The following LARP1B variants were observed in gnomAD, a reference collection of about 807,000 sequenced individuals.
LARP1B encodes the protein La ribonucleoprotein 1B, also known as la-related protein 1B.
A neutral mutation model predicts 114.2 loss-of-function variants in LARP1B; 76 were observed. The ratio of observed to expected loss-of-function variants is 0.67; its 90% CI spans 0.55 to 0.81. LARP1B has a LOEUF of 0.81. Ranked by LOEUF, LARP1B falls within the 30% of genes least tolerant of loss-of-function variation. The probability of loss-of-function intolerance (pLI) is 0.00; values close to 1 mark genes in which losing one functional copy is unlikely to be tolerated. For missense variants in LARP1B, 1,014 were observed against 1,075.8 expected (o/e 0.94, Z 0.80); for synonymous variants, 345 against 348.0 (o/e 0.99, Z 0.10).
intron 6 of LARP1B, among the ~76,000 whole-genome samples, chr4:128,219,345 C>T (rs1344987176): frequency 1.1e-3 from 98 of 90,988 alleles, no homozygotes; most frequent in Non-Finnish European, 1.6e-3. Flanking sequence ...CACATGCACA[C>T]GTATGTTTAT....
chr4:128,210,201 A>G lies in LARP1B; in HGVS notation c.*148A>G. 2 of 1,441,380 alleles carry G rather than the reference A, an allele frequency of 1.4e-6. No homozygotes were observed. The highest frequency in any genetic ancestry group is 4.9e-5 in the East Asian group (2 of 40,890). The allele number at this position is 1,441,380 out of a possible 1,614,324, so 89.3% of individuals were successfully genotyped here. ...TGGTGTTTAATTGTGATAATAAGAA[A>G]GAAGAAAAAGAAAGAAAAGTGGTAG... On this transcript the variant is annotated 3_prime_UTR_variant, in exon 20 of 20. Transcript: ENST00000326639.
intron 9 of LARP1B, among the ~76,000 whole-genome samples, chr4:128,111,107 C>T (rs1171660924): frequency 6.6e-6 from 1 of 150,872 alleles, no homozygotes; most frequent in African/African-American, 2.4e-5. Context: ...AGTGCAATGG[C>T]ACGATCTCTG....
chr4:128,153,292 C>T (rs1407317979), intron 11 of LARP1B, among the ~76,000 whole-genome samples: 2 of 140,892 alleles, frequency 1.4e-5, no homozygotes, highest in Non-Finnish European at 3.1e-5. Flanking sequence ...CTTGGTTTGC[C>T]ATTTATTTAT....
chr4:128,077,708 T>G, intron 3 of LARP1B, 80 bp from the exon 4 acceptor site: 1 of 1,371,466 alleles, frequency 7.3e-7, no homozygotes, highest in Non-Finnish European at 9.6e-7. Flanking sequence ...AATTTTAGGT[T>G]AGGTATATTG....
At chr4:128,163,128 A>G (rs1318432851) in intron 12 of LARP1B, among the ~76,000 whole-genome samples, 1 of 152,100 alleles carries the variant, frequency 6.6e-6, no homozygotes, top group Non-Finnish European at 1.5e-5. Context: ...ATAGATTGCA[A>G]TAGATTGATA....
chr4:128,114,485 C>T, intron 9 of LARP1B, 85 bp from the exon 10 acceptor site: 2 of 996,788 alleles, frequency 2.0e-6, no homozygotes, highest in Non-Finnish European at 3.0e-6. Flanking sequence ...AAATATCAAG[C>T]CCCAGTTAAG....
At chr4:128,062,563 A>AGT (rs1028838392) in intron 1 of LARP1B, among the ~76,000 whole-genome samples, 72 of 144,250 alleles carry the variant, frequency 5.0e-4, no homozygotes, top group African/African-American at 1.8e-3. Context: ...TAGATACTGC[A>AGT]GTGCTTCGTA....
At chr4:128,176,220 A>AATATATAC (rs1746000793) in intron 12 of LARP1B, among the ~76,000 whole-genome samples, 1 of 142,984 alleles carries the variant, frequency 7.0e-6, no homozygotes, top group Non-Finnish European at 1.5e-5. Flanking sequence ...TTTATATATA[A>AATATATAC]ATTTATATAT....
At position 128,122,243 on chromosome 4, in the gene LARP1B, G is replaced by A. The variant is rs758554827; in HGVS notation, c.1524+55G>A. The A allele has an allele frequency of 5.7e-6, 9 of 1,582,428 alleles. No homozygotes were observed. In the South Asian group the frequency reaches 9.3e-5, roughly 16 times the overall value. ...TGATGCTTTGTTTTGATTGTATGTT[G>A]CTGTTTATATTTTCTCAAACTTGAG... On this transcript the variant is annotated intron_variant, in intron 11 of 19. Coordinates refer to ENST00000326639, the MANE Select transcript of LARP1B (RefSeq NM_018078.4).
At chr4:128,123,348 C>T in intron 11 of LARP1B, 1 of 984,944 alleles carries the variant, frequency 1.0e-6, no homozygotes, top group African/African-American at 1.7e-5. Flanking sequence ...CTAGTGTAAG[C>T]ATTGCTATTT....
At position 128,074,803 on chromosome 4, in the gene LARP1B, T is replaced by A. The variant is rs1767153906; in HGVS notation, c.-18-131T>A. The A allele has an allele frequency of 6.7e-6, 4 of 600,032 alleles. No individual in the cohort carries two copies. In the South Asian group the frequency reaches 1.0e-4, roughly 16 times the overall value. 37.2% of individuals were successfully genotyped at this position (600,032 alleles called of 1,614,324 possible). ...TGTTTGCAGAAACTTTTTGATTAATTTGGCAGATGCCTGCATATAACTGAA... is the reference window on the plus strand; with the variant it reads ...TGTTTGCAGAAACTTTTTGATTAATATGGCAGATGCCTGCATATAACTGAA... On this transcript the variant is annotated intron_variant, in intron 2 of 19. Coordinates refer to ENST00000326639, the MANE Select transcript of LARP1B (RefSeq NM_018078.4).
intron 1 of LARP1B, chr4:128,069,000 A>C: frequency 1.3e-6 from 1 of 795,546 alleles, no homozygotes; most frequent in East Asian, 2.7e-5. Flanking sequence ...TGAATTTTAC[A>C]AACTTTACTT....
chr4:128,061,618 TC>T, intron 1 of LARP1B: 1 of 930,132 alleles, frequency 1.1e-6, no homozygotes, highest in South Asian at 5.0e-5. Context: ...CCGGCCGGTG[TC>T]CCGGCGGAGA....
intron 15 of LARP1B, among the ~76,000 whole-genome samples, chr4:128,181,486 T>A (rs1000149104): frequency 6.6e-6 from 1 of 152,130 alleles, no homozygotes; most frequent in Non-Finnish European, 1.5e-5. Flanking sequence ...AGCTGTCTCA[T>A]CTATTCTTCA....
chr4:128,187,030 A>G (rs1750606284), intron 15 of LARP1B, among the ~76,000 whole-genome samples: 1 of 152,230 alleles, frequency 6.6e-6, no homozygotes. Flanking sequence ...CAGAGGATGT[A>G]TGGAAAATCC....
chr4:128,106,740 TGTA>T (rs1274936730), intron 8 of LARP1B, among the ~76,000 whole-genome samples: 32 of 152,198 alleles, frequency 2.1e-4, no homozygotes, highest in African/African-American at 6.7e-4. Flanking sequence ...CATGAGTACA[TGTA>T]GTACTTATTA....
At chr4:128,152,392 C>T (rs971027267) in intron 11 of LARP1B, among the ~76,000 whole-genome samples, 13 of 151,634 alleles carry the variant, frequency 8.6e-5, no homozygotes, top group African/African-American at 3.1e-4. Context: ...TCAGTAGAGA[C>T]GAGGTTTCAC....
At chr4:128,123,004 A>G in intron 11 of LARP1B, 2 of 984,810 alleles carry the variant, frequency 2.0e-6, no homozygotes, top group Non-Finnish European at 2.4e-6. Flanking sequence ...AAAATTATAT[A>G]ACATTATATG....
chr4:128,150,870 A>G lies in LARP1B; in HGVS notation c.1525-11324A>G, dbSNP rs540790841. ...AGTTGAAGCACCAAGGGTTCTTTCA[A>G]GCAATTTGGCTGAAGGGAAATCCTT... On this transcript the variant is annotated intron_variant, in intron 11 of 19. Coordinates refer to ENST00000326639, the MANE Select transcript of LARP1B (RefSeq NM_018078.4). 2.6e-5 allele frequency among the ~76,000 whole-genome samples: 4 copies of G among 152,364 alleles called. No individual in the cohort carries two copies. In the East Asian group the frequency reaches 7.7e-4, roughly 29 times the overall value.
Sources: allele counts gnomAD v4.1 joint callset (sites outside exome capture counted in the v4.1 genomes callset), GRCh38; gene constraint gnomAD v4.1.1; transcripts MANE v1.5; gene names NCBI Gene and HGNC (gene_info 2026-07-23, HGNC 2026-07-21).